DPYSL5: variants seen among roughly 807,000 people sequenced by gnomAD.
The protein encoded by DPYSL5 is dihydropyrimidinase like 5.
A neutral mutation model predicts 58.4 loss-of-function variants in DPYSL5; 9 were observed. The observed-to-expected ratio is 0.15, with a 90% CI of 0.09 to 0.27. The LOEUF (loss-of-function observed/expected upper bound fraction) is 0.27. Among genes scored for constraint, DPYSL5 ranks in the 10% least tolerant of loss-of-function variants. DPYSL5 has a pLI of 1.00. For synonymous variants in DPYSL5, 293 were observed against 301.9 expected (o/e 0.97, Z 0.31); for missense variants, 499 against 770.6 (o/e 0.65, Z 4.17).
At chr2:26,895,163 G>A (rs550915624) in intron 1 of DPYSL5, among the ~76,000 whole-genome samples, 41 of 152,334 alleles carry the variant, frequency 2.7e-4, no homozygotes, top group African/African-American at 9.6e-4. Flanking sequence ...TTGGAATCAA[G>A]TAGACTGATT....
intron 9 of DPYSL5, 57 bp from the exon 10 acceptor site, chr2:26,941,893 G>T: frequency 6.2e-7 from 1 of 1,610,318 alleles, no homozygotes. Context: ...AGGTGACCAA[G>T]GGTTTGAGAC....
intron 2 of DPYSL5, among the ~76,000 whole-genome samples, chr2:26,915,924 A>G (rs971347699): frequency 6.6e-6 from 1 of 152,158 alleles, no homozygotes; most frequent in Non-Finnish European, 1.5e-5. Flanking sequence ...CCTCATCTGA[A>G]CAATGAGGAT....
rs941313098 is a variant in DPYSL5, at chr2:26,948,996, G to A, written c.*2001G>A. 11 of 152,172 alleles carry A rather than the reference G, an allele frequency of 7.2e-5. No homozygotes were observed. Among genetic ancestry groups the A allele is most frequent in the Non-Finnish European group, 1.2e-4 (8 of 68,042 alleles). The allele number at this position is 152,172 out of a possible 1,614,324, so 9.4% of individuals were successfully genotyped here. A position where few individuals can be genotyped will look rare whatever the true frequency, so the allele number is the denominator to read the frequency against. On this transcript the variant is annotated 3_prime_UTR_variant, in exon 13 of 13. Transcript: ENST00000288699. Reference sequence around the variant, plus strand: ...ATTATTCTTCCCATTTTACAGATGAGGAAACTAAGACCCAGAAAGTTCAGG... The same window carrying A: ...ATTATTCTTCCCATTTTACAGATGAAGAAACTAAGACCCAGAAAGTTCAGG...
rs914699143 is a variant in DPYSL5, at chr2:26,944,047, T to A, written c.1441-609T>A. 1.3e-5 allele frequency among the ~76,000 whole-genome samples: 2 copies of A among 152,130 alleles called. No individual in the cohort carries two copies. ...TGGCTCACGCCTGTAATCCCGGAAC[T>A]TTGGGAGGCCGAGGCGGGTGGATCA... On this transcript the variant is annotated intron_variant, in intron 11 of 12. Transcript: ENST00000288699. The surrounding 1 kb of genome is among the most constrained non-coding windows in gnomAD (Gnocchi z 4.4).
At chr2:26,917,060 A>G (rs1227928408) in intron 2 of DPYSL5, among the ~76,000 whole-genome samples, 4 of 152,202 alleles carry the variant, frequency 2.6e-5, no homozygotes, top group Non-Finnish European at 4.4e-5. Context: ...TAGTAACTCC[A>G]TGAGGGAGGT....
At chr2:26,864,795 A>G (rs1666099995) in intron 1 of DPYSL5, among the ~76,000 whole-genome samples, 1 of 152,032 alleles carries the variant, frequency 6.6e-6, no homozygotes, top group Non-Finnish European at 1.5e-5. Flanking sequence ...AGCAGGGGAG[A>G]GGGGGACAGA....
chr2:26,873,354 G>A (rs549579570), intron 1 of DPYSL5, among the ~76,000 whole-genome samples: 6 of 151,730 alleles, frequency 4.0e-5, no homozygotes, highest in African/African-American at 4.8e-5. Flanking sequence ...CACCACCTCC[G>A]CTCGTGCTCC....
intron 2 of DPYSL5, among the ~76,000 whole-genome samples, chr2:26,899,974 G>C (rs140874136): frequency 1.3e-5 from 2 of 152,350 alleles, no homozygotes; most frequent in Admixed American, 6.5e-5. Context: ...CCTGGTGACA[G>C]TCGGGACCTT....
chr2:26,939,970 C>G, intron 8 of DPYSL5, 61 bp from the exon 9 acceptor site: 3 of 1,605,870 alleles, frequency 1.9e-6, no homozygotes, highest in Non-Finnish European at 2.6e-6. Context: ...TATATCTATC[C>G]TCACCCTCTA....
Position 26,877,301 on chromosome 2 carries a change from A to G in DPYSL5, c.-4-21195A>G, listed in dbSNP as rs765046132. 1.3e-5 allele frequency among the ~76,000 whole-genome samples: 2 copies of G among 151,964 alleles called. No individual in the cohort carries two copies. Among genetic ancestry groups the G allele is most frequent in the Non-Finnish European group, 2.9e-5 (2 of 67,990 alleles). ...TTATTATAACAATATTTTTATTTCT[A>G]TTTATTTATTTATTTTTTTAAGGCC... On this transcript the variant is annotated intron_variant, in intron 1 of 12. Transcript: ENST00000288699. The surrounding 1 kb of genome is among the most constrained non-coding windows in gnomAD (Gnocchi z 4.1).
chr2:26,864,862 TC>T (rs1211731291), intron 1 of DPYSL5, among the ~76,000 whole-genome samples: 1 of 152,092 alleles, frequency 6.6e-6, no homozygotes, highest in Non-Finnish European at 1.5e-5. Flanking sequence ...TTCCACCTCT[TC>T]CTGACTCTTC....
chr2:26,940,732 A>G (rs532310518), intron 9 of DPYSL5, among the ~76,000 whole-genome samples: 3 of 151,822 alleles, frequency 2.0e-5, no homozygotes, highest in Admixed American at 2.0e-4. Context: ...GTGTCTCCCT[A>G]TATCAGTAAA....
chr2:26,932,115 AAAAGAAAGAG>A (rs1245245145), intron 6 of DPYSL5, among the ~76,000 whole-genome samples: 2 of 141,946 alleles, frequency 1.4e-5, no homozygotes, highest in African/African-American at 2.7e-5. Context: ...AAGAAAAGAA[AAAAGAAAGAG>A]AAAGAAAGAA....
intron 12 of DPYSL5, among the ~76,000 whole-genome samples, chr2:26,946,615 G>A (rs999985987): frequency 1.7e-4 from 26 of 152,232 alleles, no homozygotes; most frequent in African/African-American, 6.3e-4. Flanking sequence ...CTGCATGTAC[G>A]AGAGACTGTA....
intron 1 of DPYSL5, among the ~76,000 whole-genome samples, chr2:26,863,341 T>A (rs1456890304): frequency 1.3e-5 from 2 of 152,144 alleles, no homozygotes; most frequent in African/African-American, 4.8e-5. Context: ...TGTGGGACAG[T>A]CTTGACCTGC....
Position 26,942,812 on chromosome 2 carries a change from G to A in DPYSL5, c.1440+62G>A. On this transcript the variant is annotated intron_variant, in intron 11 of 12. Coordinates refer to ENST00000288699, the MANE Select transcript of DPYSL5 (RefSeq NM_020134.4). The surrounding 1 kb of genome is among the most constrained non-coding windows in gnomAD (Gnocchi z 5.9). ...CCCCCTGCCGGGGAACATCCTCCATGACTGTTTTAAATCTCAAAGAGATGT... is the reference window on the plus strand; with the variant it reads ...CCCCCTGCCGGGGAACATCCTCCATAACTGTTTTAAATCTCAAAGAGATGT... The A allele has an allele frequency of 6.4e-7, 1 of 1,566,196 alleles. No individual in the cohort carries two copies. The highest frequency in any genetic ancestry group is 8.8e-7 in the Non-Finnish European group (1 of 1,142,392).
chr2:26,915,541 C>T (rs1033625059), intron 2 of DPYSL5, among the ~76,000 whole-genome samples: 3 of 152,202 alleles, frequency 2.0e-5, no homozygotes, highest in Admixed American at 6.5e-5. Context: ...CCCTGGGCTC[C>T]CAGCCCCTCA....
chr2:26,891,231 A>G (rs1045145998), intron 1 of DPYSL5, among the ~76,000 whole-genome samples: 1 of 152,226 alleles, frequency 6.6e-6, no homozygotes, highest in Non-Finnish European at 1.5e-5. Flanking sequence ...CACAATGGGC[A>G]TAGCGAAGGG....
In DPYSL5 at chr2:26,927,484, A is replaced by G; in HGVS notation, c.600+52A>G. ...TGGAGGGACACCAGTGGAGACAGTT[A>G]GTTCTCAGGGGATTCCTGACCACCC... On this transcript the variant is annotated intron_variant, in intron 4 of 12. Transcript: ENST00000288699. This position sits in a 1 kb window ranked among gnomAD's most constrained non-coding sequence, Gnocchi z 4.3. 1 of 1,570,526 alleles carries G rather than the reference A, an allele frequency of 6.4e-7. No homozygotes were observed. Among genetic ancestry groups the G allele is most frequent in the Non-Finnish European group, 8.6e-7 (1 of 1,161,850 alleles).
Sources: allele counts gnomAD v4.1 joint callset (sites outside exome capture counted in the v4.1 genomes callset), GRCh38; gene constraint gnomAD v4.1.1; non-coding constraint Gnocchi (gnomAD v3.1); transcripts MANE v1.5; gene names NCBI Gene and HGNC (gene_info 2026-07-23, HGNC 2026-07-21).